The following ACSF2 variants were observed in gnomAD, a reference collection of about 807,000 sequenced individuals.
ACSF2 encodes medium-chain acyl-CoA ligase ACSF2, mitochondrial.
Under a neutral mutation model 79.3 loss-of-function variants are expected in ACSF2, and 52 were observed. That is an observed-to-expected ratio of 0.66 (90% CI 0.53 to 0.83). The LOEUF (loss-of-function observed/expected upper bound fraction) is 0.83. ACSF2 is among the 40% of genes least tolerant of loss of function. The probability of loss-of-function intolerance (pLI) is 0.00; values close to 1 mark genes in which losing one functional copy is unlikely to be tolerated. For missense variants in ACSF2, 661 were observed against 803.3 expected (o/e 0.82, Z 2.14); for synonymous variants, 283 against 312.6 (o/e 0.91, Z 1.00).
At chr17:50,464,344 C>A in intron 10 of ACSF2, 50 bp downstream of exon 10, 1 of 1,573,588 alleles carries the variant, frequency 6.4e-7, no homozygotes, top group Non-Finnish European at 8.7e-7. Flanking sequence ...CCTGGGATGA[C>A]AGCAGATGGA....
At chr17:50,430,043 G>C (rs1274866255) in intron 1 of ACSF2, among the ~76,000 whole-genome samples, 2 of 152,232 alleles carry the variant, frequency 1.3e-5, no homozygotes, top group Non-Finnish European at 2.9e-5. Context: ...CTATGAGGCA[G>C]CTGCATCCAG....
intron 1 of ACSF2, among the ~76,000 whole-genome samples, chr17:50,453,187 G>A (rs1290422865): frequency 6.6e-6 from 1 of 152,122 alleles, no homozygotes; most frequent in East Asian, 1.9e-4. Context: ...GGGAGTTCAT[G>A]ATACTCACCT....
chr17:50,461,090 C>A, intron 2 of ACSF2, 152 bp from the exon 3 acceptor site: 2 of 1,304,840 alleles, frequency 1.5e-6, no homozygotes, highest in Non-Finnish European at 2.1e-6. Context: ...ACTATGCAGG[C>A]CCCAGGGCAG....
chr17:50,438,857 A>G (rs1033486076), intron 1 of ACSF2, among the ~76,000 whole-genome samples: 13 of 152,112 alleles, frequency 8.5e-5, no homozygotes, highest in African/African-American at 3.1e-4. Flanking sequence ...CTGAGCTACC[A>G]TACCTGGCCC....
At chr17:50,440,489 T>G (rs2030814159) in intron 1 of ACSF2, among the ~76,000 whole-genome samples, 1 of 152,234 alleles carries the variant, frequency 6.6e-6, no homozygotes, top group Admixed American at 6.5e-5. Flanking sequence ...TCTTATGTTC[T>G]CCATGGCAGA....
intron 4 of ACSF2, 65 bp from the exon 5 acceptor site, chr17:50,462,119 G>C: frequency 7.1e-7 from 1 of 1,400,416 alleles, no homozygotes; most frequent in South Asian, 1.2e-5. Context: ...GATTAGTGAG[G>C]ACTCCCCCAG....
Position 50,467,711 on chromosome 17 carries a change from G to C in ACSF2, c.1216-3317G>C, listed in dbSNP as rs1260966188. 3 of 261,912 alleles carry C rather than the reference G, an allele frequency of 1.1e-5. No homozygotes were observed. In the East Asian group the frequency reaches 2.2e-4, roughly 19 times the overall value. The allele number at this position is 261,912 out of a possible 1,614,324, so 16.2% of individuals were successfully genotyped here. A position where few individuals can be genotyped will look rare whatever the true frequency, so the allele number is the denominator to read the frequency against. The stretch of plus-strand genomic sequence containing the variant: ...AAAAACAGCAGAGGAGGGGTGGAAG[G>C]CCCAACAGGAAGAGGTGGCTGCTGC... On this transcript the variant is annotated intron_variant, in intron 10 of 15. Coordinates refer to ENST00000300441, the MANE Select transcript of ACSF2 (RefSeq NM_025149.6).
intron 1 of ACSF2, among the ~76,000 whole-genome samples, chr17:50,457,363 G>C (rs1201828183): frequency 6.6e-6 from 1 of 152,238 alleles, no homozygotes; most frequent in African/African-American, 2.4e-5. Context: ...ACCATTGGTG[G>C]CCATCTCTGG....
intron 1 of ACSF2, among the ~76,000 whole-genome samples, chr17:50,448,880 A>G (rs2031466413): frequency 6.6e-6 from 1 of 152,034 alleles, no homozygotes; most frequent in Admixed American, 6.6e-5. Context: ...CCCTCCCTGC[A>G]TGTTCTTACC....
chr17:50,465,950 G>T, intron 10 of ACSF2: 1 of 1,527,762 alleles, frequency 6.5e-7, no homozygotes, highest in Non-Finnish European at 9.0e-7. Context: ...AGAGGGGCAG[G>T]ATCCTTCCCT....
chr17:50,473,829 G>A (rs2033226402), intron 13 of ACSF2, 23 bp downstream of exon 13: 1 of 1,613,730 alleles, frequency 6.2e-7, no homozygotes, highest in South Asian at 1.1e-5. Flanking sequence ...GCTCAGGTGA[G>A]CCCCCAGAAA....
chr17:50,460,700 T>G lies in ACSF2; in HGVS notation c.152T>G (p.Val51Gly). ...FLSSREVDRM[V>G]STPIGGLSYV... ...AGTTCCAGAGAGGTGGATCGCATGG[T>G]CTCCACGCCCATCGGAGGCCTCAGC... The change falls in exon 2 of 16, where the codon GTC (valine) becomes GGC (glycine). Residue 51 changes from valine to glycine, a missense_variant. Transcript: ENST00000300441. 1.2e-6 allele frequency: 2 copies of G among 1,612,672 alleles called. No homozygotes were observed. The highest frequency in any genetic ancestry group is 1.7e-5 in the Admixed American group (1 of 59,880).
At chr17:50,439,635 T>A (rs2030735924) in intron 1 of ACSF2, among the ~76,000 whole-genome samples, 1 of 152,132 alleles carries the variant, frequency 6.6e-6, no homozygotes, top group Non-Finnish European at 1.5e-5. Context: ...GCAACCAAGT[T>A]TTGCTATTTT....
At chr17:50,460,159 G>C in intron 1 of ACSF2, 1 of 455,782 alleles carries the variant, frequency 2.2e-6, no homozygotes, top group South Asian at 1.5e-5. Context: ...GCCTCCATCT[G>C]CCCTCTCCTT....
chr17:50,465,831 G>A, intron 10 of ACSF2: 4 of 1,613,938 alleles, frequency 2.5e-6, no homozygotes, highest in Non-Finnish European at 3.4e-6. Context: ...AAATGGACGT[G>A]TTTCAGCGTG....
intron 2 of ACSF2, 151 bp from the exon 3 acceptor site, chr17:50,461,091 C>T: frequency 2.3e-6 from 3 of 1,320,556 alleles, no homozygotes; most frequent in African/African-American, 1.5e-5. Flanking sequence ...CTATGCAGGC[C>T]CCAGGGCAGA....
intron 1 of ACSF2, among the ~76,000 whole-genome samples, chr17:50,437,334 G>C (rs4794145): frequency 0.24 from 37,021 of 152,150 alleles, 5,017 homozygotes; most frequent in Non-Finnish European, 0.31. Context: ...ATGGACAAGT[G>C]AGGGCTCTTG....
rs745526819 is a variant in ACSF2 at position 50,471,165 on chromosome 17, C to T, written c.1323+30C>T. On this transcript the variant is annotated intron_variant, in intron 11 of 15. Coordinates refer to ENST00000300441, the MANE Select transcript of ACSF2 (RefSeq NM_025149.6). This position sits in a 1 kb window ranked among gnomAD's most constrained non-coding sequence, Gnocchi z 4.1. ...GCCCCTGACCAAGACTCCAAAGTCC[C>T]ACCTCCCGTCACCCAGCTGGGGTGC... 1 of 1,582,442 alleles carries T rather than the reference C, an allele frequency of 6.3e-7. No individual in the cohort carries two copies. The highest frequency in any genetic ancestry group is 2.2e-5 in the East Asian group (1 of 44,722).
At chr17:50,429,448 T>C (rs1372903862) in intron 1 of ACSF2, among the ~76,000 whole-genome samples, 5 of 152,118 alleles carry the variant, frequency 3.3e-5, no homozygotes, top group Admixed American at 2.6e-4. Flanking sequence ...CCCAGCTACA[T>C]GTCCAGTCCT....
Sources: allele counts gnomAD v4.1 joint callset (sites outside exome capture counted in the v4.1 genomes callset), GRCh38; gene constraint gnomAD v4.1.1; non-coding constraint Gnocchi (gnomAD v3.1); transcripts MANE v1.5; gene names NCBI Gene and HGNC (gene_info 2026-07-23, HGNC 2026-07-21).